Variants in DOK6 observed in about 807,000 individuals in gnomAD.
The protein encoded by DOK6 is docking protein 6, also known as downstream of tyrosine kinase 6.
DOK6 carries 22 observed loss-of-function variants against 44.0 expected under a neutral mutation model. That is an observed-to-expected ratio of 0.50 (90% CI 0.36 to 0.71). The LOEUF (loss-of-function observed/expected upper bound fraction) is 0.71. Ranked by LOEUF, DOK6 falls within the 30% of genes least tolerant of loss-of-function variation. The pLI is 0.00. For synonymous variants in DOK6, 166 were observed against 145.5 expected, an observed-to-expected ratio of 1.14 and a Z score of -1.01; for missense variants, 340 against 416.4, an observed-to-expected ratio of 0.82 and a Z score of 1.60.
At chr18:69,627,078 G>A (rs950686328) in intron 3 of DOK6, among the ~76,000 whole-genome samples, 4 of 152,106 alleles carry the variant, frequency 2.6e-5, no homozygotes, top group South Asian at 2.1e-4. Context: ...GCAGTGAGAC[G>A]GGCAGTCATT....
chr18:69,754,266 A>G (rs1322388578), intron 6 of DOK6, among the ~76,000 whole-genome samples: 2 of 150,478 alleles, frequency 1.3e-5, no homozygotes, highest in African/African-American at 4.9e-5. Context: ...AGGTGGCAGA[A>G]TTGCTTGAGC....
At chr18:69,403,374 C>T (rs570945368) in intron 1 of DOK6, among the ~76,000 whole-genome samples, 6 of 152,312 alleles carry the variant, frequency 3.9e-5, no homozygotes, top group Non-Finnish European at 7.3e-5. Flanking sequence ...ATGGCATTCA[C>T]AGCGTTTGAA....
At chr18:69,508,083 GTTGA>G (rs1195229584) in intron 1 of DOK6, among the ~76,000 whole-genome samples, 3 of 152,010 alleles carry the variant, frequency 2.0e-5, no homozygotes, top group African/African-American at 7.2e-5. Flanking sequence ...ATGAATGGAT[GTTGA>G]TTATTTTCAA....
At chr18:69,440,638 T>C (rs973945081) in intron 1 of DOK6, among the ~76,000 whole-genome samples, 7 of 152,102 alleles carry the variant, frequency 4.6e-5, no homozygotes, top group Non-Finnish European at 7.4e-5. Context: ...TAGACTTTTT[T>C]CCACTGTCCT....
At chr18:69,774,946 G>T (rs1980015785) in intron 7 of DOK6, among the ~76,000 whole-genome samples, 1 of 151,770 alleles carries the variant, frequency 6.6e-6, no homozygotes, top group Non-Finnish European at 1.5e-5. Context: ...AAATGCAAAA[G>T]GAAGTTTTAA....
At chr18:69,632,685 AG>A (rs1408780749) in intron 3 of DOK6, among the ~76,000 whole-genome samples, 2 of 152,348 alleles carry the variant, frequency 1.3e-5, no homozygotes, top group East Asian at 3.9e-4. Flanking sequence ...TATATTTAGA[AG>A]TACACAATTT....
chr18:69,622,008 A>T (rs951819117), intron 3 of DOK6, among the ~76,000 whole-genome samples: 2 of 152,234 alleles, frequency 1.3e-5, no homozygotes, highest in Non-Finnish European at 2.9e-5. Context: ...GTGACTTAAA[A>T]ATACTGTACA....
At chr18:69,740,638 T>C (rs1978768953) in intron 6 of DOK6, among the ~76,000 whole-genome samples, 1 of 152,236 alleles carries the variant, frequency 6.6e-6, no homozygotes, top group Non-Finnish European at 1.5e-5. Flanking sequence ...CACCACCACT[T>C]ACTGGCTGTA....
At chr18:69,597,760 C>T (rs1283535317) in intron 2 of DOK6, among the ~76,000 whole-genome samples, 1 of 143,592 alleles carries the variant, frequency 7.0e-6, no homozygotes, top group African/African-American at 2.6e-5. Context: ...GCCTGCTCAA[C>T]CTCAGCTGGA....
intron 7 of DOK6, among the ~76,000 whole-genome samples, chr18:69,814,783 G>A (rs1317458481): frequency 6.6e-6 from 1 of 152,016 alleles, no homozygotes; most frequent in African/African-American, 2.4e-5. Context: ...GAACAGCAAG[G>A]GGAAAGTCCA....
At chr18:69,684,432 C>A (rs1568332826) in intron 4 of DOK6, among the ~76,000 whole-genome samples, 1 of 152,146 alleles carries the variant, frequency 6.6e-6, no homozygotes, top group African/African-American at 2.4e-5. Context: ...GATCCTGGTT[C>A]TTTTGCCCTG....
chr18:69,602,406 A>G (rs1044971334), intron 3 of DOK6, among the ~76,000 whole-genome samples: 1 of 152,222 alleles, frequency 6.6e-6, no homozygotes, highest in African/African-American at 2.4e-5. Context: ...AGTATTCCTC[A>G]AAACTTTCAA....
chr18:69,632,853 C>G (rs1984720372), intron 3 of DOK6, among the ~76,000 whole-genome samples: 2 of 152,204 alleles, frequency 1.3e-5, no homozygotes, highest in Non-Finnish European at 2.9e-5. Context: ...CAACAGTAAT[C>G]TAATATTTTC....
At chr18:69,466,883 T>C (rs1327136091) in intron 1 of DOK6, among the ~76,000 whole-genome samples, 1 of 152,154 alleles carries the variant, frequency 6.6e-6, no homozygotes, top group East Asian at 1.9e-4. Context: ...TATTCTTTTC[T>C]GTTGAATAAT....
chr18:69,742,039 T>C (rs750410154), intron 6 of DOK6, among the ~76,000 whole-genome samples: 26 of 152,190 alleles, frequency 1.7e-4, no homozygotes, highest in Non-Finnish European at 3.7e-4. Context: ...GGGGGCCACA[T>C]GAATAAACAT....
At chr18:69,412,981 G>C (rs1201631995) in intron 1 of DOK6, among the ~76,000 whole-genome samples, 1 of 152,124 alleles carries the variant, frequency 6.6e-6, no homozygotes, top group Non-Finnish European at 1.5e-5. Context: ...TAATGACACA[G>C]AAGTAGAAAC....
At chr18:69,794,596 C>A (rs1980691459) in intron 7 of DOK6, among the ~76,000 whole-genome samples, 1 of 152,158 alleles carries the variant, frequency 6.6e-6, no homozygotes, top group African/African-American at 2.4e-5. Flanking sequence ...CCATACTCAT[C>A]ATATTCTACT....
At chr18:69,507,589 A>G (rs985353595) in intron 1 of DOK6, among the ~76,000 whole-genome samples, 3 of 152,176 alleles carry the variant, frequency 2.0e-5, no homozygotes, top group Non-Finnish European at 2.9e-5. Flanking sequence ...AGATTTCAGC[A>G]TACTTATTCT....
At chr18:69,515,764 A>G (rs12969440) in intron 1 of DOK6, among the ~76,000 whole-genome samples, 62,547 of 151,934 alleles carry the variant, frequency 0.41, 13,730 homozygotes, top group Non-Finnish European at 0.49. Flanking sequence ...TTTGAGGGGG[A>G]AAAATAAGTT....
Sources: allele counts gnomAD v4.1 joint callset (sites outside exome capture counted in the v4.1 genomes callset), GRCh38; gene constraint gnomAD v4.1.1; transcripts MANE v1.5; gene names NCBI Gene and HGNC (gene_info 2026-07-23, HGNC 2026-07-21).